The following ADAM9 variants were observed in gnomAD, a reference collection of about 807,000 sequenced individuals.
The protein encoded by ADAM9 is disintegrin and metalloproteinase domain-containing protein 9.
ADAM9 carries 54 observed loss-of-function variants against 108.1 expected under a neutral mutation model. The ratio of observed to expected loss-of-function variants is 0.50; its 90% CI spans 0.40 to 0.63. ADAM9 has a LOEUF of 0.63. Ranked by LOEUF, ADAM9 falls within the 20% of genes least tolerant of loss-of-function variation. The pLI is 0.00. For synonymous variants in ADAM9, 316 were observed against 336.0 expected, an observed-to-expected ratio of 0.94 and a Z score of 0.65; for missense variants, 830 against 997.7, an observed-to-expected ratio of 0.83 and a Z score of 2.26.
chr8:39,090,550 A>T (rs1839320418), intron 19 of ADAM9, among the ~76,000 whole-genome samples: 1 of 152,170 alleles, frequency 6.6e-6, no homozygotes, highest in Admixed American at 6.5e-5. Flanking sequence ...GTTCTAAGTT[A>T]TTTCTCTGAC....
At chr8:39,032,415 G>A (rs1837125800) in intron 11 of ADAM9, among the ~76,000 whole-genome samples, 1 of 152,272 alleles carries the variant, frequency 6.6e-6, no homozygotes, top group South Asian at 2.1e-4. Context: ...CTGCCTCACA[G>A]GTCAATCTGC....
rs181785730 is a variant in ADAM9, at chr8:39,037,509, A to G, written c.1131-4437A>G. Among the ~76,000 whole-genome samples the G allele has an allele frequency of 3.0e-3, 406 of 137,506 alleles. 4 individuals carry two copies. The highest frequency in any genetic ancestry group is 0.01 in the African/African-American group (378 of 36,156). 90.2% of individuals were successfully genotyped at this position (137,506 alleles called of 152,430 possible). Reference sequence around the variant, plus strand: ...GTCTCTGGAGAGCAGTGGCTTGATCATAGCTCACTGCAGCCTTAAACTCCT... The same window carrying G: ...GTCTCTGGAGAGCAGTGGCTTGATCGTAGCTCACTGCAGCCTTAAACTCCT... On this transcript the variant is annotated intron_variant, in intron 11 of 21. Transcript: ENST00000487273.
intron 20 of ADAM9, among the ~76,000 whole-genome samples, chr8:39,097,330 AG>A (rs1839539936): frequency 6.7e-6 from 1 of 148,264 alleles, no homozygotes; most frequent in African/African-American, 2.5e-5. Flanking sequence ...TTTTTGAGAC[AG>A]AGTCTTTCTC....
In ADAM9 at chr8:39,034,213, A is replaced by G. The variant is rs1232995283; in HGVS notation, c.1130+7403A>G. Among the ~76,000 whole-genome samples the G allele has an allele frequency of 3.3e-5, 5 of 152,248 alleles. No individual in the cohort carries two copies. The East Asian group carries it at 7.7e-4, about 24-fold the overall frequency. ...CTGCCAGATAGAGTGTTTTTAGTAGATACTGTTTTTCTTCTAGACATATTT... is the reference window on the plus strand; with the variant it reads ...CTGCCAGATAGAGTGTTTTTAGTAGGTACTGTTTTTCTTCTAGACATATTT... On this transcript the variant is annotated intron_variant, in intron 11 of 21. Coordinates refer to ENST00000487273, the MANE Select transcript of ADAM9 (RefSeq NM_003816.3).
chr8:39,050,109 T>C (rs1837908592), intron 12 of ADAM9, among the ~76,000 whole-genome samples: 1 of 152,212 alleles, frequency 6.6e-6, no homozygotes, highest in African/African-American at 2.4e-5. Flanking sequence ...GCCTGCAAGA[T>C]TTCTGCTGAA....
rs367887367 is a variant in ADAM9 at position 39,017,321 on chromosome 8, G to C, written c.513G>C (p.Glu171Asp). The change falls in exon 6 of 22, where the codon GAG becomes GAC. Residue 171 changes from glutamate to aspartate, a missense_variant. This residue lies in a region of ADAM9 where 211 missense variants were observed against 222.2 expected (regional missense o/e 0.95). Coordinates refer to ENST00000487273, the MANE Select transcript of ADAM9 (RefSeq NM_003816.3). ...IIYRMDDVYK[E>D]PLKCGVSNKD... ...ATCGAATGGATGATGTCTACAAAGA[G>C]CCTCTGAAATGTGGAGTTTCCAACA... 9 of 1,614,024 alleles carry C rather than the reference G, an allele frequency of 5.6e-6. No individual in the cohort carries two copies. In the African/African-American group the frequency reaches 1.1e-4, roughly 19 times the overall value.
chr8:39,082,804 A>G, intron 17 of ADAM9, 83 bp downstream of exon 17: 1 of 1,404,192 alleles, frequency 7.1e-7, no homozygotes, highest in East Asian at 2.3e-5. Context: ...AGTTCCCAGG[A>G]TTTTCAGATG....
At chr8:39,006,008 T>A (rs1049084617) in intron 1 of ADAM9, among the ~76,000 whole-genome samples, 1 of 152,216 alleles carries the variant, frequency 6.6e-6, no homozygotes, top group Non-Finnish European at 1.5e-5. Context: ...CCTCTCCTCT[T>A]GAGGTCCCAA....
chr8:39,071,329 T>A lies in ADAM9; in HGVS notation c.1623T>A (p.Ile541=), dbSNP rs766184376. 1 of 1,614,176 alleles carries A rather than the reference T, an allele frequency of 6.2e-7. No homozygotes were observed. The highest frequency in any genetic ancestry group is 1.1e-5 in the South Asian group (1 of 91,092). The change falls in exon 15 of 22, where the codon ATT becomes ATA. Residue 541 remains isoleucine, a synonymous_variant. Transcript: ENST00000487273. ...KAKAAPKDCF[I]EVNSKGDRFG... is the part of the protein sequence containing the mutation. ...AGGCTGCCCCCAAAGATTGTTTCAT[T>A]GAAGTGAATTCTAAAGGTGACAGAT...
At chr8:39,048,141 G>A (rs1240955988) in intron 12 of ADAM9, among the ~76,000 whole-genome samples, 3 of 152,020 alleles carry the variant, frequency 2.0e-5, no homozygotes, top group African/African-American at 4.8e-5. Flanking sequence ...GGCTGGTCTC[G>A]ATCTCCTGAT....
chr8:39,065,612 A>G (rs530116283), intron 14 of ADAM9, among the ~76,000 whole-genome samples: 61 of 146,292 alleles, frequency 4.2e-4, no homozygotes, highest in African/African-American at 1.5e-3. Context: ...GTGAGCCGAG[A>G]TCGCACCATT....
intron 3 of ADAM9, 136 bp downstream of exon 3, chr8:39,011,852 A>C (rs1377537283): frequency 1.4e-5 from 11 of 809,516 alleles, no homozygotes; most frequent in Middle Eastern, 2.3e-4. Context: ...TTGGTGCTGC[A>C]CAGTGGCAGC....
rs543346817 is a variant in ADAM9 at position 39,018,616 on chromosome 8, C to A, written c.607-237C>A. 5.7e-6 allele frequency: 3 copies of A among 530,136 alleles called. No individual in the cohort carries two copies. The East Asian group carries it at 9.5e-5, about 17-fold the overall frequency. 32.8% of individuals were successfully genotyped at this position (530,136 alleles called of 1,614,324 possible). A position where few individuals can be genotyped will look rare whatever the true frequency, so the allele number is the denominator to read the frequency against. ...GATAACACTTCAAAAACATTTTTTT[C>A]CCCTCAGACATAGTTTATCATCACT... On this transcript the variant is annotated intron_variant, in intron 6 of 21. Coordinates refer to ENST00000487273, the MANE Select transcript of ADAM9 (RefSeq NM_003816.3).
chr8:39,039,347 G>C (rs1837383905), intron 11 of ADAM9, among the ~76,000 whole-genome samples: 1 of 152,160 alleles, frequency 6.6e-6, no homozygotes, highest in African/African-American at 2.4e-5. Context: ...GTGGTGAAAT[G>C]GTTAGTCAAG....
rs115489622 is a variant in ADAM9, at chr8:39,020,184, G to A, written c.672+1266G>A. 8.1e-3 allele frequency among the ~76,000 whole-genome samples: 1,239 copies of A among 152,194 alleles called. 19 individuals are homozygous for A. Among genetic ancestry groups the A allele is most frequent in the African/African-American group, 0.029 (1,189 of 41,524 alleles). On this transcript the variant is annotated intron_variant, in intron 7 of 21. Transcript: ENST00000487273. ...CCTGTGATCCCAGAACCCGGGAGGC[G>A]GAGCTTGCAGTGAGCTGAGATGGCG...
At chr8:39,008,173 CTT>C (rs35261462) in intron 2 of ADAM9, among the ~76,000 whole-genome samples, 190 bp downstream of exon 2, 1 of 146,762 alleles carries the variant, frequency 6.8e-6, no homozygotes, top group African/African-American at 2.5e-5. Flanking sequence ...CCTTAATATC[CTT>C]TTTTTTTTTT....
At chr8:39,086,620 T>G (rs1487940888) in intron 18 of ADAM9, among the ~76,000 whole-genome samples, 12 of 152,198 alleles carry the variant, frequency 7.9e-5, no homozygotes, top group Non-Finnish European at 1.2e-4. Context: ...AGTTTTGATA[T>G]TTTTCCCTCT....
At chr8:39,071,530 G>A (rs994151572) in intron 15 of ADAM9, 127 bp downstream of exon 15, 44 of 814,770 alleles carry the variant, frequency 5.4e-5, no homozygotes, top group Middle Eastern at 6.6e-4. Flanking sequence ...GCAGTGGCGC[G>A]ATCTCGGCTC....
chr8:39,005,885 T>A (rs1836145575), intron 1 of ADAM9, among the ~76,000 whole-genome samples: 1 of 152,234 alleles, frequency 6.6e-6, no homozygotes, highest in African/African-American at 2.4e-5. Context: ...AGGCACTTTT[T>A]AATTGGCTTT....
Sources: allele counts gnomAD v4.1 joint callset (sites outside exome capture counted in the v4.1 genomes callset), GRCh38; gene constraint gnomAD v4.1.1; regional missense constraint gnomAD v4.1.1; transcripts MANE v1.5; gene names NCBI Gene and HGNC (gene_info 2026-07-23, HGNC 2026-07-21).